SLC44A1: variants seen among roughly 807,000 people sequenced by gnomAD.
SLC44A1 encodes the protein solute carrier family 44 member 1, also known as choline transporter-like protein 1.
Under a neutral mutation model 79.3 loss-of-function variants are expected in SLC44A1, and 26 were observed. The observed-to-expected ratio is 0.33, with a 90% CI of 0.24 to 0.46. The LOEUF is 0.46. Ranked by LOEUF, SLC44A1 falls within the 20% of genes least tolerant of loss-of-function variation. SLC44A1 has a pLI of 1.00. For synonymous variants in SLC44A1, 263 were observed against 286.2 expected, an observed-to-expected ratio of 0.92 and a Z score of 0.82; for missense variants, 688 against 798.1, an observed-to-expected ratio of 0.86 and a Z score of 1.66.
At chr9:105,342,016 T>G (rs555081012) in intron 4 of SLC44A1, among the ~76,000 whole-genome samples, 10 of 152,332 alleles carry the variant, frequency 6.6e-5, no homozygotes, top group African/African-American at 1.9e-4. Context: ...AGTTCTTATT[T>G]TCAGCAGGGC....
At chr9:105,427,098 T>A (rs2131522014) in intron 15 of SLC44A1, among the ~76,000 whole-genome samples, 1 of 152,182 alleles carries the variant, frequency 6.6e-6, no homozygotes, top group South Asian at 2.1e-4. Flanking sequence ...GCTCAGCTAA[T>A]TTTTTGTATT....
intron 1 of SLC44A1, among the ~76,000 whole-genome samples, chr9:105,245,690 T>C (rs1829424845): frequency 6.6e-6 from 1 of 152,198 alleles, no homozygotes; most frequent in African/African-American, 2.4e-5. Flanking sequence ...GTTCCGAATT[T>C]AGTTTTTCTG....
At chr9:105,308,836 A>G (rs1432822596) in intron 2 of SLC44A1, among the ~76,000 whole-genome samples, 1 of 152,224 alleles carries the variant, frequency 6.6e-6, no homozygotes, top group African/African-American at 2.4e-5. Context: ...CCACCAATAC[A>G]ATCAATTTAT....
At chr9:105,337,590 C>T (rs758219050) in intron 4 of SLC44A1, among the ~76,000 whole-genome samples, 16 of 152,100 alleles carry the variant, frequency 1.1e-4, no homozygotes, top group Non-Finnish European at 2.2e-4. Flanking sequence ...CAATGCTAAC[C>T]CCTTGCTCGG....
At position 105,351,530 on chromosome 9, in the gene SLC44A1, CTGAAAGAAA is replaced by C. The variant is rs1564452353; in HGVS notation, c.500+3080_500+3088del. On this transcript the variant is annotated intron_variant, in intron 5 of 15. Transcript: ENST00000374720. ...CCTGGGCAACAGAGCAAGACCCTGTCTGAAAGAAAGAAAGAAAGAAAGAAAGAGAGAAAG... is the reference window on the plus strand; with the variant it reads ...CCTGGGCAACAGAGCAAGACCCTGTCGAAAGAAAGAAAGAAAGAGAGAAAG... 5.2e-4 allele frequency among the ~76,000 whole-genome samples: 33 copies of C among 63,910 alleles called. 4 individuals are homozygous for C. Among genetic ancestry groups the C allele is most frequent in the Non-Finnish European group, 7.5e-4 (19 of 25,336 alleles). The allele number at this position is 63,910 out of a possible 152,430, so 41.9% of individuals were successfully genotyped here.
At chr9:105,323,076 C>T (rs1332090034) in intron 3 of SLC44A1, among the ~76,000 whole-genome samples, 26 of 150,080 alleles carry the variant, frequency 1.7e-4, no homozygotes, top group African/African-American at 6.1e-4. Flanking sequence ...CACCACCAGG[C>T]GTGGTGGCGG....
intron 4 of SLC44A1, among the ~76,000 whole-genome samples, chr9:105,336,546 A>C (rs1031772188): frequency 6.6e-6 from 1 of 151,990 alleles, no homozygotes; most frequent in African/African-American, 2.4e-5. Flanking sequence ...TTGAGGTTTC[A>C]TGCTTGTATT....
chr9:105,251,615 G>A (rs1049294918), intron 1 of SLC44A1, among the ~76,000 whole-genome samples: 2 of 152,120 alleles, frequency 1.3e-5, no homozygotes, highest in Non-Finnish European at 2.9e-5. Context: ...TCTCTATAGG[G>A]TCACCTTGTG....
In SLC44A1 at chr9:105,309,780, A is replaced by G. The variant is rs781311500; in HGVS notation, c.183A>G (p.Gly61=). 1.1e-5 allele frequency: 18 copies of G among 1,613,954 alleles called. No homozygotes were observed. Among genetic ancestry groups the G allele is most frequent in the South Asian group, 3.3e-5 (3 of 91,070 alleles). Residue 61 remains glycine (G), a synonymous_variant, in exon 3 of 16, where the codon GGA becomes GGG. Transcript: ENST00000374720. ...ATGAAARLVS[G]YDSYGNICGQ... Reference sequence around the variant, plus strand: ...GTGCAGCAGCAAGACTAGTGTCAGGATACGACAGCTATGGAAATATCTGTG... The same window carrying G: ...GTGCAGCAGCAAGACTAGTGTCAGGGTACGACAGCTATGGAAATATCTGTG...
Position 105,383,839 on chromosome 9 carries a change from C to T in SLC44A1, c.1869+480C>T, listed in dbSNP as rs768818774. Among the ~76,000 whole-genome samples the T allele has an allele frequency of 5.9e-5, 9 of 152,214 alleles. No individual in the cohort carries two copies. The East Asian group carries it at 9.6e-4, about 16-fold the overall frequency. On this transcript the variant is annotated intron_variant, in intron 14 of 15. Coordinates refer to ENST00000374720, the MANE Select transcript of SLC44A1 (RefSeq NM_080546.5). ...ATTGAAAGCATTTTGTGATGAATAC[C>T]GATAACAGACCCATGACTGGTAGAG...
chr9:105,304,959 T>TG (rs1183578431), intron 2 of SLC44A1, among the ~76,000 whole-genome samples: 4 of 99,678 alleles, frequency 4.0e-5, no homozygotes, highest in African/African-American at 1.8e-4. Context: ...TTTTTTTTTT[T>TG]TTTTTTTTTT....
chr9:105,356,403 A>G (rs1827624512), intron 6 of SLC44A1, 22 bp downstream of exon 6: 1 of 1,523,462 alleles, frequency 6.6e-7, no homozygotes, highest in Non-Finnish European at 9.0e-7. Flanking sequence ...TCTCATTATT[A>G]GCTATTGCAT....
intron 3 of SLC44A1, 47 bp downstream of exon 3, chr9:105,309,913 G>A (rs1283791034): frequency 1.3e-6 from 2 of 1,575,304 alleles, no homozygotes; most frequent in East Asian, 2.3e-5. Context: ...TTTGAAAGAG[G>A]CACAGAGAAA....
rs1008873320 is a variant in SLC44A1 at position 105,389,038 on chromosome 9, G to A, written c.1956G>A (p.Ser652=). 5.0e-6 allele frequency: 8 copies of A among 1,612,472 alleles called. No individual in the cohort carries two copies. The highest frequency in any genetic ancestry group is 3.3e-5 in the Admixed American group (2 of 59,972). ...ADSRELKPMA[S]GASSA Reference sequence around the variant, plus strand: ...TGTATGACTTTGTTTTCTAGGCTTCGGGAGCAAGTTCTGCTTGAACCTAGC... The same window carrying A: ...TGTATGACTTTGTTTTCTAGGCTTCAGGAGCAAGTTCTGCTTGAACCTAGC... Residue 652 remains serine (S), a synonymous_variant, in exon 16 of 16, where the codon TCG becomes TCA. Coordinates refer to ENST00000374720, the MANE Select transcript of SLC44A1 (RefSeq NM_080546.5).
exon 16 of SLC44A1, chr9:105,438,332 G>A (rs1361531950): frequency 1.0e-5 from 16 of 1,542,082 alleles, no homozygotes; most frequent in Non-Finnish European, 1.2e-5. Flanking sequence ...ACTCAGAGGA[G>A]GTTGTTTACA....
chr9:105,361,398 G>T, intron 8 of SLC44A1, 68 bp downstream of exon 8: 1 of 1,432,454 alleles, frequency 7.0e-7, no homozygotes, highest in Non-Finnish European at 9.5e-7. Flanking sequence ...TAATGGAGCA[G>T]AAACTCAAAT....
intron 1 of SLC44A1, among the ~76,000 whole-genome samples, chr9:105,275,117 A>C (rs1328646111): frequency 1.3e-5 from 2 of 152,220 alleles, no homozygotes; most frequent in African/African-American, 4.8e-5. Flanking sequence ...TTTTTTCTTC[A>C]GAAGTACAAA....
chr9:105,248,684 C>T (rs1021151303), intron 1 of SLC44A1, among the ~76,000 whole-genome samples: 9 of 152,132 alleles, frequency 5.9e-5, no homozygotes, highest in African/African-American at 2.2e-4. Context: ...GTAAGATAGT[C>T]TTGAGTTTCT....
At chr9:105,354,832 G>T (rs1827569991) in intron 5 of SLC44A1, among the ~76,000 whole-genome samples, 1 of 152,152 alleles carries the variant, frequency 6.6e-6, no homozygotes, top group Non-Finnish European at 1.5e-5. Context: ...TATTTGAAAA[G>T]AAGCATTTTT....
Sources: allele counts gnomAD v4.1 joint callset (sites outside exome capture counted in the v4.1 genomes callset), GRCh38; gene constraint gnomAD v4.1.1; transcripts MANE v1.5; gene names NCBI Gene and HGNC (gene_info 2026-07-23, HGNC 2026-07-21).